CA4: variants seen among roughly 807,000 people sequenced by gnomAD.
CA4 encodes the protein CA-IV.
CA4 carries 24 observed loss-of-function variants against 34.5 expected under a neutral mutation model. That is an observed-to-expected ratio of 0.70 (90% CI 0.50 to 0.98). The LOEUF is 0.98. Ranked by LOEUF, CA4 falls within the 50% of genes least tolerant of loss-of-function variation. CA4 has a pLI of 0.00. For missense variants in CA4, 394 were observed against 396.7 expected (o/e 0.99, Z 0.06); for synonymous variants, 178 against 170.6 (o/e 1.04, Z -0.34).
At chr17:60,152,438 G>C (rs1349546195) in intron 1 of CA4, among the ~76,000 whole-genome samples, 1 of 152,232 alleles carries the variant, frequency 6.6e-6, no homozygotes. Flanking sequence ...CAGGTCAAAA[G>C]TCTCCATGAT....
downstream of CA4, among the ~76,000 whole-genome samples, chr17:60,171,199 T>C (rs1383590667): frequency 6.6e-6 from 1 of 152,256 alleles, no homozygotes; most frequent in African/African-American, 2.4e-5. Context: ...AAGTGGTAGA[T>C]ACTCAATGAA....
downstream of CA4, among the ~76,000 whole-genome samples, chr17:60,173,192 A>G (rs1482506869): frequency 1.3e-5 from 2 of 152,232 alleles, no homozygotes; most frequent in Non-Finnish European, 2.9e-5. Context: ...ATAAATACAT[A>G]AATAAAATGG....
chr17:60,167,983 C>T (rs1441273115), intron 5 of CA4, among the ~76,000 whole-genome samples: 1 of 152,090 alleles, frequency 6.6e-6, no homozygotes, highest in Admixed American at 6.6e-5. Flanking sequence ...TCTACTGCCT[C>T]AGTGGCCTCC....
intron 3 of CA4, 100 bp from the exon 4 acceptor site, chr17:60,157,327 G>A: frequency 7.3e-7 from 1 of 1,375,260 alleles, no homozygotes; most frequent in Non-Finnish European, 1.0e-6. Flanking sequence ...TGAAGGTTGG[G>A]AGGCAGGAGA....
intron 3 of CA4, chr17:60,157,012 G>C (rs2083699115): frequency 3.7e-6 from 2 of 533,664 alleles, no homozygotes; most frequent in South Asian, 4.0e-5. Context: ...CAGGAGCTCT[G>C]TGTGGAGGAA....
Position 60,169,583 on chromosome 17 carries a change from G to T in CA4, c.*179-968G>T, listed in dbSNP as rs182252020. 1.7e-3 allele frequency among the ~76,000 whole-genome samples: 264 copies of T among 152,162 alleles called. 2 individuals are homozygous for T. Among genetic ancestry groups the T allele is most frequent in the Middle Eastern group, 6.8e-3 (2 of 294 alleles). On this transcript the variant is annotated intron_variant and NMD_transcript_variant, in intron 5 of 5. Coordinates refer to the CA4 transcript ENST00000586876. Reference sequence around the variant, plus strand: ...GGCTCACTGCAACCTCTGCCTCCTGGGTTCAAGTAATTCTCCTGCCTCAGC... The same window carrying T: ...GGCTCACTGCAACCTCTGCCTCCTGTGTTCAAGTAATTCTCCTGCCTCAGC...
intron 1 of CA4, among the ~76,000 whole-genome samples, chr17:60,153,222 C>T (rs2145256814): frequency 6.6e-6 from 1 of 152,182 alleles, no homozygotes; most frequent in East Asian, 1.9e-4. Context: ...CCTGTAATCC[C>T]AGTTACTCAG....
intron 2 of CA4, 114 bp from the exon 3 acceptor site, chr17:60,156,446 C>A: frequency 9.3e-7 from 1 of 1,072,688 alleles, no homozygotes. Context: ...TCAGGCCACC[C>A]CAAAGCGTTT....
intron 5 of CA4, 75 bp downstream of exon 5, chr17:60,157,863 T>G: frequency 6.5e-7 from 1 of 1,528,722 alleles, no homozygotes; most frequent in South Asian, 1.1e-5. Context: ...GACCTGGGAC[T>G]CCAGCGAGGC....
chr17:60,163,564 CTGTT>C (rs1331302745), downstream of CA4, among the ~76,000 whole-genome samples: 1 of 152,200 alleles, frequency 6.6e-6, no homozygotes, highest in Non-Finnish European at 1.5e-5. Context: ...CCTAGCCGCT[CTGTT>C]TGTTTATCTG....
intron 1 of CA4, among the ~76,000 whole-genome samples, chr17:60,153,856 CA>C (rs1395247753): frequency 3.9e-5 from 6 of 152,190 alleles, no homozygotes; most frequent in Non-Finnish European, 2.9e-5. Context: ...GATGGGCCAT[CA>C]GGGGGAGGAC....
At chr17:60,152,661 G>A (rs146522568) in intron 1 of CA4, among the ~76,000 whole-genome samples, 1 of 152,252 alleles carries the variant, frequency 6.6e-6, no homozygotes, top group South Asian at 2.1e-4. Context: ...GGGCCCTCCA[G>A]TCAGAGAAGA....
At chr17:60,161,677 C>A (rs2083790608), downstream of CA4, among the ~76,000 whole-genome samples, 1 of 151,994 alleles carries the variant, frequency 6.6e-6, no homozygotes, top group Non-Finnish European at 1.5e-5. Context: ...TCCCTCCTCC[C>A]TTTCCCTCCG....
the CA4 span, among the ~76,000 whole-genome samples, chr17:60,176,117 A>AT: frequency 6.6e-6 from 1 of 152,122 alleles, no homozygotes; most frequent in African/African-American, 2.4e-5. Context: ...CGCCTGGTCC[A>AT]TTTTATGCAT....
chr17:60,155,256 T>A, intron 1 of CA4, 58 bp from the exon 2 acceptor site: 1 of 1,511,608 alleles, frequency 6.6e-7, no homozygotes, highest in Non-Finnish European at 9.1e-7. Context: ...GATCCTCCTG[T>A]GTGTGTGAGC....
At chr17:60,152,705 C>T (rs1342459303) in intron 1 of CA4, among the ~76,000 whole-genome samples, 1 of 152,196 alleles carries the variant, frequency 6.6e-6, no homozygotes, top group African/African-American at 2.4e-5. Flanking sequence ...CTTCCTCCTT[C>T]AAGACCTCTG....
downstream of CA4, among the ~76,000 whole-genome samples, chr17:60,172,131 A>G (rs2083916390): frequency 6.6e-6 from 1 of 152,170 alleles, no homozygotes; most frequent in Non-Finnish European, 1.5e-5. Flanking sequence ...AGGTTTGGCC[A>G]TCAGCAGCAG....
chr17:60,156,364 T>C (rs1567729700), intron 2 of CA4, among the ~76,000 whole-genome samples, 196 bp from the exon 3 acceptor site: 2 of 151,920 alleles, frequency 1.3e-5, no homozygotes, highest in Admixed American at 6.6e-5. Context: ...TATGTTTCTG[T>C]GGAGGAGGAG....
intron 7 of CA4, chr17:60,158,901 C>T: frequency 2.3e-6 from 1 of 443,330 alleles, no homozygotes; most frequent in South Asian, 2.3e-5. Flanking sequence ...ATCTGGGGCC[C>T]AACAAGCCCG....
Sources: gnomAD v4.1 joint callset for allele counts (sites outside exome capture counted in the v4.1 genomes callset) on GRCh38, gnomAD v4.1.1 for gene constraint, MANE v1.5 for transcripts, NCBI Gene and HGNC (gene_info 2026-07-23, HGNC 2026-07-21) for gene names.